The following EDN1 variants were observed in gnomAD, a reference collection of about 807,000 sequenced individuals.
EDN1 encodes the protein endothelin-1.
A neutral mutation model predicts 21.7 loss-of-function variants in EDN1; 11 were observed. That is an observed-to-expected ratio of 0.51 (90% CI 0.32 to 0.84). The LOEUF is 0.84. Among genes scored for constraint, EDN1 ranks in the 40% least tolerant of loss-of-function variants. The pLI, the probability that EDN1 is intolerant of heterozygous loss-of-function variation, is 0.03. For synonymous variants in EDN1, 85 were observed against 90.6 expected (o/e 0.94, Z 0.35); for missense variants, 244 against 262.3 (o/e 0.93, Z 0.48).
At chr6:12,268,055 T>A in the EDN1 span, among the ~76,000 whole-genome samples, 44,490 of 152,068 alleles carry the variant, frequency 0.29, 8,302 homozygotes, top group Non-Finnish European at 0.41. Flanking sequence ...TTTTTTTAAA[T>A]GGCTTTCAAA....
At chr6:12,233,814 A>C in the EDN1 span, among the ~76,000 whole-genome samples, 73 of 152,286 alleles carry the variant, frequency 4.8e-4, 1 homozygote, top group African/African-American at 1.8e-3. Context: ...TGTCCCAAGA[A>C]CACCCTTCTT....
chr6:12,262,667 G>A, the EDN1 span, among the ~76,000 whole-genome samples: 1 of 151,986 alleles, frequency 6.6e-6, no homozygotes, highest in African/African-American at 2.4e-5. Context: ...AGATTAGGAG[G>A]TCGAAACCAG....
At chr6:12,271,128 T>C in the EDN1 span, among the ~76,000 whole-genome samples, 2 of 152,142 alleles carry the variant, frequency 1.3e-5, no homozygotes, top group African/African-American at 4.8e-5. Context: ...TTAAACTCTA[T>C]TTAGCCACTT....
chr6:12,263,286 T>C, the EDN1 span, among the ~76,000 whole-genome samples: 1 of 152,182 alleles, frequency 6.6e-6, no homozygotes, highest in Non-Finnish European at 1.5e-5. Flanking sequence ...ACCTGCTAAA[T>C]GTACAATTTT....
chr6:12,254,440 A>G, the EDN1 span, among the ~76,000 whole-genome samples: 1 of 152,176 alleles, frequency 6.6e-6, no homozygotes, highest in Non-Finnish European at 1.5e-5. Flanking sequence ...TTCCCCTATC[A>G]TAGTACCTTT....
In EDN1 at chr6:12,291,228, C is replaced by G. The variant is rs955788636; in HGVS notation, c.64+535C>G. On this transcript the variant is annotated intron_variant, in intron 1 of 4. Transcript: ENST00000379375. ...GACTAACTACCGCCTCCCCCCCCCC[C>G]CGCCACCACCCCCCGCAGGCGGTTT... Among the ~76,000 whole-genome samples the G allele has an allele frequency of 4.7e-4, 61 of 130,178 alleles. 1 individual carries two copies. Among genetic ancestry groups the G allele is most frequent in the African/African-American group, 1.9e-3 (53 of 28,296 alleles). 85.4% of individuals were successfully genotyped at this position (130,178 alleles called of 152,430 possible).
upstream of EDN1, among the ~76,000 whole-genome samples, chr6:12,288,993 A>T (rs1762612265): frequency 6.6e-6 from 1 of 152,210 alleles, no homozygotes; most frequent in Non-Finnish European, 1.5e-5. Flanking sequence ...GCTTTGGTGG[A>T]GAACAAACAA....
chr6:12,270,122 T>C, the EDN1 span, among the ~76,000 whole-genome samples: 2 of 152,220 alleles, frequency 1.3e-5, no homozygotes, highest in East Asian at 3.9e-4. Flanking sequence ...CTAGGATCAG[T>C]TCTAATGTCT....
the EDN1 span, among the ~76,000 whole-genome samples, chr6:12,232,146 GTGTTTATA>G: frequency 7.9e-6 from 1 of 126,920 alleles, no homozygotes; most frequent in South Asian, 2.7e-4. Flanking sequence ...ATATAATAAA[GTGTTTATA>G]TTTATAATAT....
At position 12,296,790 on chromosome 6, in the gene EDN1, T is replaced by C. The variant is rs1302774411; in HGVS notation, c.*723T>C. 3.3e-5 allele frequency: 5 copies of C among 152,250 alleles called. No individual in the cohort carries two copies. The highest frequency in any genetic ancestry group is 7.3e-5 in the Non-Finnish European group (5 of 68,150). 9.4% of individuals were successfully genotyped at this position (152,250 alleles called of 1,614,324 possible). A position where few individuals can be genotyped will look rare whatever the true frequency, so the allele number is the denominator to read the frequency against. On this transcript the variant is annotated 3_prime_UTR_variant, in exon 5 of 5. Coordinates refer to ENST00000379375, the MANE Select transcript of EDN1 (RefSeq NM_001955.5). ...TGGTCTAATGTGTCAGCAGTAGATA[T>C]AATATTTTCATGGTAATCTACTAGC...
chr6:12,295,453 T>G (rs1230299346), intron 4 of EDN1, among the ~76,000 whole-genome samples: 1 of 152,108 alleles, frequency 6.6e-6, no homozygotes, highest in Non-Finnish European at 1.5e-5. Context: ...TTCTTCCCTC[T>G]GTATTTCTCC....
the EDN1 span, among the ~76,000 whole-genome samples, chr6:12,230,789 G>A: frequency 6.6e-6 from 1 of 152,092 alleles, no homozygotes; most frequent in Non-Finnish European, 1.5e-5. Context: ...AAGCAAGCAG[G>A]TGAATTGGCA....
chr6:12,262,345 A>G, the EDN1 span, among the ~76,000 whole-genome samples: 1 of 152,122 alleles, frequency 6.6e-6, no homozygotes, highest in East Asian at 1.9e-4. Context: ...GCCTTGAGGG[A>G]GCAAGAGGCT....
chr6:12,273,604 C>CTTTTT, the EDN1 span, among the ~76,000 whole-genome samples: 2 of 83,376 alleles, frequency 2.4e-5, no homozygotes, highest in Non-Finnish European at 4.3e-5. Context: ...GTAGGCAGGA[C>CTTTTT]TTTTTTTTTT....
At chr6:12,258,513 G>A in the EDN1 span, among the ~76,000 whole-genome samples, 2 of 144,924 alleles carry the variant, frequency 1.4e-5, no homozygotes, top group South Asian at 2.2e-4. Context: ...TCAAAGGTTT[G>A]AGGACATATT....
intron 4 of EDN1, 38 bp downstream of exon 4, chr6:12,294,442 C>A: frequency 6.2e-7 from 1 of 1,612,530 alleles, no homozygotes; most frequent in South Asian, 1.1e-5. Context: ...AAGAGGTTCA[C>A]AAGAACAACT....
At chr6:12,284,984 G>A in the EDN1 span, among the ~76,000 whole-genome samples, 7 of 152,128 alleles carry the variant, frequency 4.6e-5, no homozygotes, top group Non-Finnish European at 8.8e-5. Context: ...CTTTAGTTTC[G>A]GATGTCACTC....
upstream of EDN1, chr6:12,290,344 A>G: frequency 4.1e-6 from 2 of 484,568 alleles, no homozygotes; most frequent in South Asian, 4.3e-5. Flanking sequence ...AAAAGCCGGC[A>G]GAGAGCTGTC....
chr6:12,266,608 AGAG>A, the EDN1 span, among the ~76,000 whole-genome samples: 5 of 152,234 alleles, frequency 3.3e-5, no homozygotes, highest in South Asian at 1.0e-3. Context: ...CTGGGAGCAC[AGAG>A]GAGGGACCTC....
Sources: allele counts gnomAD v4.1 joint callset (sites outside exome capture counted in the v4.1 genomes callset), GRCh38; gene constraint gnomAD v4.1.1; transcripts MANE v1.5; gene names NCBI Gene and HGNC (gene_info 2026-07-23, HGNC 2026-07-21).